Variants in KRT6B observed in about 807,000 individuals in gnomAD.
The protein encoded by KRT6B is keratin 6B, also known as keratin, type II cytoskeletal 6B.
Under a neutral mutation model 44.7 loss-of-function variants are expected in KRT6B, and 29 were observed. That is an observed-to-expected ratio of 0.65 (90% CI 0.48 to 0.88). KRT6B has a LOEUF of 0.88. KRT6B is among the 40% of genes least tolerant of loss of function. The pLI is 0.00. For missense variants in KRT6B, 600 were observed against 724.0 expected (o/e 0.83, Z 1.97); for synonymous variants, 213 against 296.0 (o/e 0.72, Z 2.88).
chr12:52,451,001 A>T (rs1312204514), intron 1 of KRT6B, among the ~76,000 whole-genome samples: 1 of 152,102 alleles, frequency 6.6e-6, no homozygotes, highest in Non-Finnish European at 1.5e-5. Flanking sequence ...TTGACTCATG[A>T]TTACATTTCA....
At chr12:52,447,596 G>T in intron 7 of KRT6B, 23 bp from the exon 8 acceptor site, 1 of 1,614,002 alleles carries the variant, frequency 6.2e-7, no homozygotes, top group Non-Finnish European at 8.5e-7. Context: ...ACACAGGGAG[G>T]GTGAGACCTT....
rs921535517 is a variant in KRT6B at position 52,446,684 on chromosome 12, A to T, written c.*506T>A. ...CTCAATATGCTTTATTCAACAGAACAAAAGAAGGCAAAGAGAGCAGAGAAA... is the reference window on the plus strand; with the variant it reads ...CTCAATATGCTTTATTCAACAGAACTAAAGAAGGCAAAGAGAGCAGAGAAA... On this transcript the variant is annotated 3_prime_UTR_variant, in exon 9 of 9. Coordinates refer to ENST00000252252, the MANE Select transcript of KRT6B (RefSeq NM_005555.4). The T allele has an allele frequency of 5.7e-6, 1 of 175,052 alleles. No individual in the cohort carries two copies. The highest frequency in any genetic ancestry group is 1.2e-5 in the Non-Finnish European group (1 of 80,694). The allele number at this position is 175,052 out of a possible 1,614,324, so 10.8% of individuals were successfully genotyped here.
chr12:52,449,907 C>G (rs1940370932), intron 3 of KRT6B, 54 bp from the exon 4 acceptor site: 5 of 1,613,706 alleles, frequency 3.1e-6, no homozygotes, highest in Non-Finnish European at 8.5e-7. Flanking sequence ...TCCAATCTAC[C>G]CATCTTCTAG....
chr12:52,448,131 T>A, intron 6 of KRT6B, 133 bp from the exon 7 acceptor site: 1 of 1,209,506 alleles, frequency 8.3e-7, no homozygotes, highest in South Asian at 1.3e-5. Flanking sequence ...ACTCTTCCTG[T>A]CTAGCCTTTT....
Position 52,449,652 on chromosome 12 carries a change from T to G in KRT6B, c.913-19A>C. 1 of 1,614,226 alleles carries G rather than the reference T, an allele frequency of 6.2e-7. No individual in the cohort carries two copies. Among genetic ancestry groups the G allele is most frequent in the Non-Finnish European group, 8.5e-7 (1 of 1,180,032 alleles). Reference sequence around the variant, plus strand: ...ACAGCTCCTGCAGAACAGAAGGTCATAAGATCAACTTCACTTCTGACATTT... The same window carrying G: ...ACAGCTCCTGCAGAACAGAAGGTCAGAAGATCAACTTCACTTCTGACATTT... On this transcript the variant is annotated intron_variant, in intron 4 of 8. Transcript: ENST00000252252.
intron 1 of KRT6B, among the ~76,000 whole-genome samples, 166 bp from the exon 2 acceptor site, chr12:52,450,786 C>A (rs1046031706): frequency 2.0e-5 from 3 of 152,248 alleles, no homozygotes; most frequent in Non-Finnish European, 4.4e-5. Flanking sequence ...CTCCTTTGCA[C>A]CCCACCAGTC....
Position 52,451,547 on chromosome 12 carries a change from T to G in KRT6B, c.532A>C (p.Ile178Leu), listed in dbSNP as rs1332566987. The change falls in exon 1 of 9, where the codon ATC becomes CTC. Residue 178 changes from isoleucine (I) to leucine (L), a missense_variant. Around this residue, in one of 4 missense-constraint regions of KRT6B, gnomAD observed 31 missense variants for 79.0 expected, o/e 0.39. Coordinates refer to ENST00000252252, the MANE Select transcript of KRT6B (RefSeq NM_005555.4). The stretch of plus-strand genomic sequence containing the variant: ...GCATGGCACTGGCTCACCTTGTCGA[T>G]GAAGGAGGCAAACTTGTTGTTGAGG... The part of the protein sequence containing the change: ...KTLNNKFASF[I>L]DKVRFLEQQN... 1 of 1,613,562 alleles carries G rather than the reference T, an allele frequency of 6.2e-7. No homozygotes were observed.
chr12:52,451,058 G>C (rs974206096), intron 1 of KRT6B, among the ~76,000 whole-genome samples: 4 of 151,578 alleles, frequency 2.6e-5, no homozygotes, highest in Non-Finnish European at 4.4e-5. Context: ...CTGATGTTAT[G>C]GTCATTCTCT....
chr12:52,451,322 G>A (rs892938259), intron 1 of KRT6B, among the ~76,000 whole-genome samples: 1 of 146,168 alleles, frequency 6.8e-6, no homozygotes, highest in Admixed American at 6.9e-5. Context: ...AAAAGTTATG[G>A]CTCTCCCTAG....
rs764803667 is a variant in KRT6B, at chr12:52,452,062, G to A, written c.17C>T (p.Thr6Ile). 6.2e-7 allele frequency: 1 copy of A among 1,614,170 alleles called. No individual in the cohort carries two copies. Among genetic ancestry groups the A allele is most frequent in the South Asian group, 1.1e-5 (1 of 91,080 alleles). The change falls in exon 1 of 9, where the codon ACC becomes ATC. Residue 6 changes from threonine to isoleucine, a missense_variant. By Grantham distance (89) the Thr-to-Ile change is moderately conservative. Around this residue, in one of 4 missense-constraint regions of KRT6B, gnomAD observed 78 missense variants for 97.5 expected, o/e 0.80. Coordinates refer to ENST00000252252, the MANE Select transcript of KRT6B (RefSeq NM_005555.4). MASTS[T>I]TIRSHSSSRR... ...GCTGCTGCTGTGGCTCCTGATGGTG[G>A]TGGATGTGCTGGCCATGGTTCCAGG...
chr12:52,447,245 G>T lies in KRT6B; in HGVS notation c.1640C>A (p.Ser547Tyr). 1.2e-6 allele frequency: 2 copies of T among 1,613,990 alleles called. No homozygotes were observed. Among genetic ancestry groups the T allele is most frequent in the Non-Finnish European group, 1.7e-6 (2 of 1,179,898 alleles). ...GGAGGTGGTGGTGTACTTGATGGTGGAACTGCCGCCTCCAACAGAGCTGAG... is the reference window on the plus strand; with the variant it reads ...GGAGGTGGTGGTGTACTTGATGGTGTAACTGCCGCCTCCAACAGAGCTGAG... ...GGLSSVGGGSSTIKYTTTSSS... is the reference protein window; with the variant it reads ...GGLSSVGGGSYTIKYTTTSSS... The change falls in exon 9 of 9, where the codon TCC (serine) becomes TAC (tyrosine). Residue 547 changes from serine (S) to tyrosine (Y), a missense_variant. Ser to Tyr is a moderately radical substitution (Grantham distance 144). Transcript: ENST00000252252.
rs145254155 is a variant in KRT6B at position 52,447,376 on chromosome 12, G to T, written c.1509C>A (p.Val503=). ...CTCCACCCAGGCCTAAGCCACTGCC[G>T]ACACCGCTGGCACCGCCATAGCCAC... ...VSSGYGGASG[V]GSGLGLGGGS... The change falls in exon 9 of 9, where the codon GTC becomes GTA. Residue 503 remains valine, a synonymous_variant. Transcript: ENST00000252252. The T allele has an allele frequency of 6.2e-7, 1 of 1,613,956 alleles. No individual in the cohort carries two copies. Among genetic ancestry groups the T allele is most frequent in the Admixed American group, 1.7e-5 (1 of 60,026 alleles).
In KRT6B at chr12:52,448,884, C is replaced by A; in HGVS notation, c.1161G>T (p.Met387Ile). The A allele has an allele frequency of 6.2e-7, 1 of 1,614,134 alleles. No individual in the cohort carries two copies. ...TKQEIAEINR[M>I]IQRLRSEIDH... ...CGATCTCAGATCTCAGCCTCTGGAT[C>A]ATGCGGTTGATCTCAGCAATCTCCT... The change falls in exon 6 of 9, where the codon ATG becomes ATT. Residue 387 changes from methionine to isoleucine, a missense_variant. Transcript: ENST00000252252.
At chr12:52,449,039 T>G in intron 5 of KRT6B, 72 bp from the exon 6 acceptor site, 1 of 1,542,088 alleles carries the variant, frequency 6.5e-7, no homozygotes, top group Non-Finnish European at 8.9e-7. Context: ...TTCACTTGTG[T>G]ATCATGAATG....
At chr12:52,449,166 T>G (rs1940358408) in intron 5 of KRT6B, among the ~76,000 whole-genome samples, 199 bp from the exon 6 acceptor site, 1 of 152,210 alleles carries the variant, frequency 6.6e-6, no homozygotes. Flanking sequence ...CACCACTGCC[T>G]GCCTAGTTTT....
At chr12:52,450,660 A>G (rs1172322997) in intron 1 of KRT6B, 40 bp from the exon 2 acceptor site, 1 of 1,613,848 alleles carries the variant, frequency 6.2e-7, no homozygotes, top group Admixed American at 1.7e-5. Flanking sequence ...AGGAAAAGGA[A>G]GGCAGAGAAA....
chr12:52,448,585 C>G (rs994142683), intron 6 of KRT6B, among the ~76,000 whole-genome samples: 4 of 152,168 alleles, frequency 2.6e-5, no homozygotes, highest in African/African-American at 9.7e-5. Context: ...CTTACATAAG[C>G]CCTTCCAATG....
In KRT6B at chr12:52,448,877, T is replaced by C. The variant is rs1228812899; in HGVS notation, c.1168A>G (p.Arg390Gly). The C allele has an allele frequency of 1.2e-6, 2 of 1,614,146 alleles. No individual in the cohort carries two copies. Among genetic ancestry groups the C allele is most frequent in the Admixed American group, 1.7e-5 (1 of 60,014 alleles). ...EIAEINRMIQ[R>G]LRSEIDHVKK... ...ACGTGGTCGATCTCAGATCTCAGCC[T>C]CTGGATCATGCGGTTGATCTCAGCA... Residue 390 changes from arginine (R) to glycine (G), a missense_variant, in exon 6 of 9, where the codon AGG (arginine) becomes GGG (glycine). Arg to Gly is a moderately radical substitution (Grantham distance 125, BLOSUM62 -2). Around this residue, in one of 4 missense-constraint regions of KRT6B, gnomAD observed 479 missense variants for 454.2 expected, o/e 1.05. Coordinates refer to ENST00000252252, the MANE Select transcript of KRT6B (RefSeq NM_005555.4).
rs1940322120 is a variant in KRT6B at position 52,447,115 on chromosome 12, A to G, written c.*75T>C. On this transcript the variant is annotated 3_prime_UTR_variant, in exon 9 of 9. Transcript: ENST00000252252. ...GGGAGACTGGAGGCCAGGGGAGGAC[A>G]AGCAACCTGAGGAGAGGGCTCTGCT... The G allele has an allele frequency of 6.3e-7, 1 of 1,589,622 alleles. No homozygotes were observed. Among genetic ancestry groups the G allele is most frequent in the African/African-American group, 1.3e-5 (1 of 74,454 alleles).
Sources: allele counts gnomAD v4.1 joint callset (sites outside exome capture counted in the v4.1 genomes callset), GRCh38; gene constraint gnomAD v4.1.1; regional missense constraint gnomAD v4.1.1; transcripts MANE v1.5; gene names NCBI Gene and HGNC (gene_info 2026-07-23, HGNC 2026-07-21).